The following RIF1 variants were observed in gnomAD, a reference collection of about 807,000 sequenced individuals.
The protein encoded by RIF1 is telomere-associated protein RIF1.
Under a neutral mutation model 247.1 loss-of-function variants are expected in RIF1, and 45 were observed. The observed-to-expected ratio is 0.18, with a 90% confidence interval of 0.14 to 0.23. The LOEUF (loss-of-function observed/expected upper bound fraction) is 0.23, where lower values mean the gene tolerates loss of function less well. RIF1 is among the 10% of genes least tolerant of loss of function. The pLI is 1.00. For missense variants in RIF1, 2,967 were observed against 2,862.5 expected (o/e 1.04, Z -0.83); for synonymous variants, 1,087 against 978.8 (o/e 1.11, Z -2.06).
Position 151,435,483 on chromosome 2 carries a change from A to G in RIF1, c.1098A>G (p.Gln366=), listed in dbSNP as rs148187328. 508 of 1,609,894 alleles carry G rather than the reference A, an allele frequency of 3.2e-4. 1 individual carries two copies. In the African/African-American group the frequency reaches 5.7e-3, roughly 18 times the overall value. ...CATAGGTTTGTGTGCCTCTGATTCAAAGTACAATAAGCATTGATTCTAATG... is the reference window on the plus strand; with the variant it reads ...CATAGGTTTGTGTGCCTCTGATTCAGAGTACAATAAGCATTGATTCTAATG... ...NFEQVCVPLI[Q]STISIDSNAS... is the part of the protein sequence containing the mutation. The change falls in exon 11 of 36, where the codon CAA becomes CAG. Residue 366 remains glutamine (Q), a synonymous_variant. Transcript: ENST00000444746.
the RIF1 span, among the ~76,000 whole-genome samples, chr2:151,525,731 C>T: frequency 6.6e-6 from 1 of 152,142 alleles, no homozygotes; most frequent in Admixed American, 6.5e-5. Flanking sequence ...TCTGATATGG[C>T]TAGATTACAT....
chr2:151,532,873 T>C, the RIF1 span, among the ~76,000 whole-genome samples: 57 of 152,314 alleles, frequency 3.7e-4, no homozygotes, highest in African/African-American at 1.3e-3. Flanking sequence ...ATGCTTCAGT[T>C]GGCCTTCTAA....
intron 10 of RIF1, among the ~76,000 whole-genome samples, chr2:151,434,640 C>T (rs1239725398): frequency 6.6e-6 from 1 of 151,932 alleles, no homozygotes; most frequent in Middle Eastern, 3.2e-3. Context: ...CGGGGTTTCA[C>T]TGTGTTAGCC....
Position 151,442,000 on chromosome 2 carries a change from C to T in RIF1, c.1734+9C>T, listed in dbSNP as rs371043837. On this transcript the variant is annotated intron_variant, in intron 16 of 35. Transcript: ENST00000444746. The stretch of plus-strand genomic sequence containing the variant: ...ATATGGATATTCTTAATGCAAGTAT[C>T]TTAAATGTAATATGATGAAGATTGG... 6.4e-6 allele frequency: 8 copies of T among 1,258,040 alleles called. No homozygotes were observed. In the Admixed American group the frequency reaches 1.1e-4, roughly 17 times the overall value. The allele number at this position is 1,258,040 out of a possible 1,614,324, so 77.9% of individuals were successfully genotyped here.
intron 9 of RIF1, among the ~76,000 whole-genome samples, chr2:151,432,805 G>C (rs1455031702): frequency 6.6e-6 from 1 of 152,022 alleles, no homozygotes; most frequent in Non-Finnish European, 1.5e-5. Flanking sequence ...AGTATTCCCT[G>C]GTGGGAAATT....
chr2:151,414,905 C>T lies in RIF1; in HGVS notation c.266C>T (p.Thr89Ile), dbSNP rs1299333365. ...LGFCLYNPKI[T>I]SELSEANALE... ...TTTTGCTTATATAATCCCAAAATTACCTCAGAATTATCAGGTAGATAAATT... is the reference window on the plus strand; with the variant it reads ...TTTTGCTTATATAATCCCAAAATTATCTCAGAATTATCAGGTAGATAAATT... Residue 89 changes from threonine (T) to isoleucine (I), a missense_variant, in exon 4 of 36, where the codon ACC becomes ATC. Physicochemically the swap from Thr to Ile is moderately conservative, Grantham distance 89. Coordinates refer to ENST00000444746, the MANE Select transcript of RIF1 (RefSeq NM_018151.5). The T allele has an allele frequency of 6.2e-7, 1 of 1,603,416 alleles. No homozygotes were observed.
At chr2:151,437,731 A>G (rs1415390573) in intron 13 of RIF1, among the ~76,000 whole-genome samples, 2 of 152,230 alleles carry the variant, frequency 1.3e-5, no homozygotes, top group African/African-American at 4.8e-5. Context: ...ATATTTATAT[A>G]GTGCCACCTA....
the RIF1 span, chr2:151,529,139 A>T: frequency 7.8e-6 from 8 of 1,023,294 alleles, no homozygotes; most frequent in Non-Finnish European, 1.1e-5. Flanking sequence ...GAAGAGATGT[A>T]AAAAGAGGCC....
the RIF1 span, chr2:151,531,017 T>C: frequency 6.2e-7 from 1 of 1,613,226 alleles, no homozygotes; most frequent in South Asian, 1.1e-5. Flanking sequence ...TCTTTAACCT[T>C]GCGGACATGC....
At chr2:151,493,299 T>C in intron 9 of RIF1, 3 of 1,364,006 alleles carry the variant, frequency 2.2e-6, no homozygotes, top group Middle Eastern at 1.8e-4. Flanking sequence ...TTTATGATGT[T>C]AAAATGTTAT....
At chr2:151,527,921 C>G in the RIF1 span, among the ~76,000 whole-genome samples, 1 of 152,144 alleles carries the variant, frequency 6.6e-6, no homozygotes, top group Non-Finnish European at 1.5e-5. Flanking sequence ...TTAATTTTTA[C>G]CAAAAATGAT....
chr2:151,413,443 A>G (rs575445848), intron 3 of RIF1, among the ~76,000 whole-genome samples: 55 of 152,326 alleles, frequency 3.6e-4, no homozygotes, highest in African/African-American at 1.1e-3. Flanking sequence ...ATGAAAGGAT[A>G]ATTGAATTCT....
In RIF1 at chr2:151,420,320, C is replaced by G; in HGVS notation, c.634C>G (p.Pro212Ala). Residue 212 changes from proline to alanine, a missense_variant, in exon 7 of 36, where the codon CCA (proline) becomes GCA (alanine). By Grantham distance (27) the Pro-to-Ala change is conservative. Coordinates refer to ENST00000444746, the MANE Select transcript of RIF1 (RefSeq NM_018151.5). ...AGCAACTGCTCTGGAGATGGGAATG[C>G]CATTATTGCTTCAGAAACAGCAAGA... ...RGATALEMGMPLLLQKQQEIA... is the reference protein window; with the variant it reads ...RGATALEMGMALLLQKQQEIA... 6.2e-7 allele frequency: 1 copy of G among 1,614,160 alleles called. No individual in the cohort carries two copies. Among genetic ancestry groups the G allele is most frequent in the Non-Finnish European group, 8.5e-7 (1 of 1,180,024 alleles).
chr2:151,464,023 AAAT>A lies in RIF1; in HGVS notation c.4506_4508del (p.Asn1502del), dbSNP rs763566186. 6.2e-7 allele frequency: 1 copy of A among 1,609,730 alleles called. No homozygotes were observed. Among genetic ancestry groups the A allele is most frequent in the South Asian group, 1.1e-5 (1 of 90,146 alleles). ...CTAGTGCTAATGCAGAAACTGAACAAAATAAAAAAAAGGCAGACCCTGAGAACA... is the reference window on the plus strand; with the variant it reads ...CTAGTGCTAATGCAGAAACTGAACAAAAAAAAAAGGCAGACCCTGAGAACA... On this transcript the variant is annotated inframe_deletion, in exon 30 of 36. Transcript: ENST00000444746.
Position 151,481,702 on chromosome 2 carries a change from G to A in RIF1, c.*6631G>A, listed in dbSNP as rs1205147839. On this transcript the variant is annotated 3_prime_UTR_variant, in exon 36 of 36. Coordinates refer to ENST00000444746, the MANE Select transcript of RIF1 (RefSeq NM_018151.5). Reference sequence around the variant, plus strand: ...TGCAAATAATGGAAATAATGGTGCAGTCAGTTTTATTTGATTGTGTAATGC... The same window carrying A: ...TGCAAATAATGGAAATAATGGTGCAATCAGTTTTATTTGATTGTGTAATGC... 2 of 152,234 alleles carry A rather than the reference G, an allele frequency of 1.3e-5. No individual in the cohort carries two copies. Among genetic ancestry groups the A allele is most frequent in the Non-Finnish European group, 2.9e-5 (2 of 68,046 alleles). 9.4% of individuals were successfully genotyped at this position (152,234 alleles called of 1,614,324 possible). A position where few individuals can be genotyped will look rare whatever the true frequency, so the allele number is the denominator to read the frequency against.
downstream of RIF1, chr2:151,485,807 T>C: frequency 2.5e-6 from 4 of 1,613,440 alleles, no homozygotes; most frequent in Non-Finnish European, 3.4e-6. Context: ...GTCCTGCCAG[T>C]CCTCTGCACA....
chr2:151,411,201 G>T (rs1686138286), intron 2 of RIF1, 59 bp from the exon 3 acceptor site: 2 of 999,658 alleles, frequency 2.0e-6, no homozygotes, highest in South Asian at 1.4e-5. Flanking sequence ...ATGTATTTTT[G>T]AGAGTATTTT....
intron 25 of RIF1, 72 bp downstream of exon 25, chr2:151,458,982 A>T: frequency 2.3e-6 from 2 of 866,448 alleles, no homozygotes; most frequent in Non-Finnish European, 3.6e-6. Context: ...ATAAATAAGT[A>T]GAACCTGAAC....
the RIF1 span, among the ~76,000 whole-genome samples, chr2:151,529,788 T>G: frequency 6.6e-6 from 1 of 152,102 alleles, no homozygotes. Flanking sequence ...CCTCAGCCTT[T>G]CAAAGTGCTG....
Sources: allele counts gnomAD v4.1 joint callset (sites outside exome capture counted in the v4.1 genomes callset), GRCh38; gene constraint gnomAD v4.1.1; transcripts MANE v1.5; gene names NCBI Gene and HGNC (gene_info 2026-07-23, HGNC 2026-07-21).